The following PACS1 variants were observed in gnomAD, a reference collection of about 807,000 sequenced individuals.
PACS1 encodes phosphofurin acidic cluster sorting protein 1.
A neutral mutation model predicts 115.0 loss-of-function variants in PACS1; 24 were observed. That is an observed-to-expected ratio of 0.21 (90% CI 0.15 to 0.29). The LOEUF is 0.29. Among genes scored for constraint, PACS1 ranks in the 10% least tolerant of loss-of-function variants. PACS1 has a pLI of 1.00. For missense variants in PACS1, 838 were observed against 1,251.2 expected, an observed-to-expected ratio of 0.67 and a Z score of 4.98; for synonymous variants, 453 against 504.5, an observed-to-expected ratio of 0.90 and a Z score of 1.37.
intron 1 of PACS1, among the ~76,000 whole-genome samples, chr11:66,123,683 G>A (rs939407079): frequency 2.6e-5 from 4 of 151,456 alleles, no homozygotes; most frequent in African/African-American, 7.3e-5. Flanking sequence ...CACCGCGCCC[G>A]GCTAATTTTT....
chr11:66,164,447 A>AT (rs1859554511), intron 1 of PACS1, among the ~76,000 whole-genome samples: 1 of 150,598 alleles, frequency 6.6e-6, no homozygotes, highest in Non-Finnish European at 1.5e-5. Context: ...TTAAAAAAAA[A>AT]ATTTTTTTCA....
chr11:66,192,482 C>T (rs142842616), intron 1 of PACS1, among the ~76,000 whole-genome samples: 31 of 152,284 alleles, frequency 2.0e-4, no homozygotes, highest in African/African-American at 3.6e-4. Flanking sequence ...GGCACTGCCA[C>T]GGAGCCAAAG....
intron 10 of PACS1, among the ~76,000 whole-genome samples, chr11:66,222,031 C>T (rs898962404): frequency 2.6e-5 from 4 of 152,072 alleles, no homozygotes; most frequent in Non-Finnish European, 5.9e-5. Flanking sequence ...CAGGAGGATC[C>T]CTTGAGCCCA....
chr11:66,188,217 T>G (rs1272382975), intron 1 of PACS1, among the ~76,000 whole-genome samples: 2 of 151,664 alleles, frequency 1.3e-5, no homozygotes, highest in Non-Finnish European at 2.9e-5. Flanking sequence ...ATTCTGGGTA[T>G]TAATCCCCCC....
chr11:66,223,876 G>T lies in PACS1; in HGVS notation c.1293+2629G>T, dbSNP rs185959359. On this transcript the variant is annotated intron_variant, in intron 10 of 23. Transcript: ENST00000320580. The stretch of plus-strand genomic sequence containing the variant: ...TCGGTGCCTCATCTGTAGGGTTGTG[G>T]TGTCGGTATAGGAGCCCATTTGGCT... Among the ~76,000 whole-genome samples the T allele has an allele frequency of 1.2e-4, 18 of 152,264 alleles. No homozygotes were observed. In the East Asian group the frequency reaches 3.5e-3, roughly 29 times the overall value.
At chr11:66,071,712 G>C (rs1857312731) in intron 1 of PACS1, among the ~76,000 whole-genome samples, 1 of 152,164 alleles carries the variant, frequency 6.6e-6, no homozygotes, top group South Asian at 2.1e-4. Context: ...GTGCCTGGAG[G>C]TGTTCTTTTT....
chr11:66,108,787 AAG>A (rs567108838), intron 1 of PACS1, among the ~76,000 whole-genome samples: 89 of 152,012 alleles, frequency 5.9e-4, no homozygotes, highest in African/African-American at 2.1e-3. Context: ...AGAAAGAGAG[AAG>A]AGAGAGAAAG....
At chr11:66,242,285 A>G (rs1855831730) in intron 22 of PACS1, among the ~76,000 whole-genome samples, 1 of 152,164 alleles carries the variant, frequency 6.6e-6, no homozygotes, top group African/African-American at 2.4e-5. Context: ...CAGCACTGGC[A>G]TGACCCCAAC....
intron 1 of PACS1, among the ~76,000 whole-genome samples, chr11:66,171,718 T>C (rs896396460): frequency 6.7e-6 from 1 of 150,020 alleles, no homozygotes; most frequent in Non-Finnish European, 1.5e-5. Context: ...TAGCTGGGAC[T>C]ATAGGCGCCC....
At chr11:66,230,013 T>G (rs1855552494) in intron 11 of PACS1, among the ~76,000 whole-genome samples, 1 of 148,428 alleles carries the variant, frequency 6.7e-6, no homozygotes, top group Non-Finnish European at 1.5e-5. Flanking sequence ...GAAGGTGGGA[T>G]AGAGAGGGTG....
chr11:66,202,591 T>C (rs753528746), intron 2 of PACS1, among the ~76,000 whole-genome samples: 2 of 151,528 alleles, frequency 1.3e-5, no homozygotes, highest in Non-Finnish European at 2.9e-5. Flanking sequence ...TGTGATAATC[T>C]CAATTGATGC....
intron 11 of PACS1, among the ~76,000 whole-genome samples, chr11:66,229,657 C>T (rs550956190): frequency 4.0e-5 from 6 of 151,460 alleles, no homozygotes; most frequent in African/African-American, 1.5e-4. Flanking sequence ...CCAGCTTGGG[C>T]GACAGAGCAA....
intron 1 of PACS1, among the ~76,000 whole-genome samples, chr11:66,129,717 C>G (rs1858661136): frequency 6.6e-6 from 1 of 152,010 alleles, no homozygotes; most frequent in South Asian, 2.1e-4. Context: ...TGTGCTGCAT[C>G]TTTATTTTTC....
intron 1 of PACS1, among the ~76,000 whole-genome samples, chr11:66,074,012 C>T (rs906623205): frequency 2.7e-5 from 4 of 150,336 alleles, no homozygotes; most frequent in African/African-American, 4.9e-5. Context: ...CCTCCTACCT[C>T]GGACTCCCAA....
chr11:66,185,840 A>C, intron 1 of PACS1, among the ~76,000 whole-genome samples: 1 of 152,096 alleles, frequency 6.6e-6, no homozygotes, highest in Non-Finnish European at 1.5e-5. Flanking sequence ...TGAAAGTATT[A>C]ATGTTTGGGG....
intron 1 of PACS1, among the ~76,000 whole-genome samples, chr11:66,110,201 T>C (rs1858155463): frequency 6.6e-6 from 1 of 152,178 alleles, no homozygotes; most frequent in South Asian, 2.1e-4. Context: ...ATTCATGGAA[T>C]TGAAATAATT....
intron 1 of PACS1, among the ~76,000 whole-genome samples, chr11:66,147,964 C>T (rs922922717): frequency 2.6e-5 from 4 of 151,642 alleles, no homozygotes; most frequent in Non-Finnish European, 4.4e-5. Flanking sequence ...ATATATACAC[C>T]TTCTATATAC....
chr11:66,128,745 G>T (rs143960049), intron 1 of PACS1, among the ~76,000 whole-genome samples: 1 of 151,922 alleles, frequency 6.6e-6, no homozygotes, highest in Non-Finnish European at 1.5e-5. Context: ...TTAGCCAGGC[G>T]TAGTGACATG....
chr11:66,214,437 G>C (rs148335692), intron 4 of PACS1, among the ~76,000 whole-genome samples: 41 of 152,106 alleles, frequency 2.7e-4, no homozygotes, highest in African/African-American at 9.9e-4. Context: ...AAGTTTCTCT[G>C]TGAAGGACTT....
Sources: allele counts gnomAD v4.1 joint callset (sites outside exome capture counted in the v4.1 genomes callset), GRCh38; gene constraint gnomAD v4.1.1; transcripts MANE v1.5; gene names NCBI Gene and HGNC (gene_info 2026-07-23, HGNC 2026-07-21).